The following SV2C variants were observed in gnomAD, a reference collection of about 807,000 sequenced individuals.
SV2C encodes the protein synaptic vesicle glycoprotein 2C.
In SV2C, 49 loss-of-function variants were observed where a neutral mutation model predicts 79.7. The ratio of observed to expected loss-of-function variants is 0.61; its 90% CI spans 0.49 to 0.78. SV2C has a LOEUF of 0.78. Among genes scored for constraint, SV2C ranks in the 30% least tolerant of loss-of-function variants. The probability of loss-of-function intolerance (pLI) is 0.00; values close to 1 mark genes in which losing one functional copy is unlikely to be tolerated. For missense variants in SV2C, 833 were observed against 912.9 expected (o/e 0.91, Z 1.13); for synonymous variants, 334 against 333.2 (o/e 1.00, Z -0.03).
At chr5:76,030,429 G>A in the SV2C span, among the ~76,000 whole-genome samples, 388 of 151,970 alleles carry the variant, frequency 2.6e-3, 5 homozygotes, top group Admixed American at 0.022. Flanking sequence ...ACTGGTCACA[G>A]AATATTCTAA....
chr5:75,891,338 A>C, the SV2C span, among the ~76,000 whole-genome samples: 3 of 152,006 alleles, frequency 2.0e-5, no homozygotes, highest in Non-Finnish European at 4.4e-5. Flanking sequence ...ACAGGGTAGA[A>C]CTCTCTTCAT....
At chr5:75,957,821 C>G in the SV2C span, among the ~76,000 whole-genome samples, 1 of 152,020 alleles carries the variant, frequency 6.6e-6, no homozygotes, top group Middle Eastern at 3.2e-3. Flanking sequence ...CAGCCATCTC[C>G]TCTTAAGTAA....
chr5:75,882,909 C>A, the SV2C span, among the ~76,000 whole-genome samples: 2 of 151,814 alleles, frequency 1.3e-5, no homozygotes, highest in African/African-American at 2.4e-5. Context: ...AGGCAACCTA[C>A]AAAATGGGAG....
rs377177919 is a variant in SV2C, at chr5:76,280,795, A to G, written c.914-4367A>G. Among the ~76,000 whole-genome samples, 12 of 152,326 alleles carry G rather than the reference A, an allele frequency of 7.9e-5. No homozygotes were observed. In the East Asian group the frequency reaches 1.7e-3, roughly 22 times the overall value. ...AGAGCAGGCTCATCCTGCCAAGCCT[A>G]GGTCTAAGCACAATCTCAGCTTTTG... is the stretch of plus-strand genomic sequence containing the variant. On this transcript the variant is annotated intron_variant, in intron 4 of 12. Coordinates refer to ENST00000502798, the MANE Select transcript of SV2C (RefSeq NM_014979.4).
the SV2C span, among the ~76,000 whole-genome samples, chr5:75,900,179 C>G: frequency 1.3e-5 from 2 of 152,076 alleles, no homozygotes; most frequent in African/African-American, 4.8e-5. Flanking sequence ...TTACAGTTTC[C>G]ATGATTTTGC....
chr5:76,163,430 C>T (rs182013316), intron 2 of SV2C, among the ~76,000 whole-genome samples: 110 of 152,330 alleles, frequency 7.2e-4, no homozygotes, highest in African/African-American at 2.3e-3. Flanking sequence ...TCAATATTTA[C>T]GCATTAAGCT....
intron 4 of SV2C, among the ~76,000 whole-genome samples, chr5:76,276,460 C>A (rs969545880): frequency 2.0e-5 from 3 of 152,226 alleles, no homozygotes; most frequent in Admixed American, 1.3e-4. Flanking sequence ...CTCAGCCTCC[C>A]AAGCAGCTGG....
the SV2C span, among the ~76,000 whole-genome samples, chr5:76,038,380 G>A: frequency 2.0e-5 from 3 of 152,308 alleles, no homozygotes; most frequent in African/African-American, 7.2e-5. Context: ...ATGGGTTTTG[G>A]AGCCAAGCAG....
At chr5:75,937,436 C>T in the SV2C span, among the ~76,000 whole-genome samples, 1 of 152,278 alleles carries the variant, frequency 6.6e-6, no homozygotes, top group African/African-American at 2.4e-5. Flanking sequence ...CACAGTGGCT[C>T]ATGCTTGGAA....
intron 4 of SV2C, among the ~76,000 whole-genome samples, chr5:76,251,976 A>G (rs1488983047): frequency 6.6e-6 from 1 of 152,222 alleles, no homozygotes; most frequent in African/African-American, 2.4e-5. Context: ...GACAAGCCCA[A>G]AGATTATTGT....
Position 76,220,261 on chromosome 5 carries a change from A to G in SV2C, c.913+10374A>G, listed in dbSNP as rs1501928. 1.1e-3 allele frequency among the ~76,000 whole-genome samples: 167 copies of G among 152,372 alleles called. 4 individuals are homozygous for G. The East Asian group carries it at 0.024, about 22-fold the overall frequency. On this transcript the variant is annotated intron_variant, in intron 4 of 12. Transcript: ENST00000502798. ...AGTGACAGGGCTAGTAGCTACCACA[A>G]TTTTGAAGTAGATACAAGTGTAGAA...
intron 12 of SV2C, among the ~76,000 whole-genome samples, chr5:76,304,291 C>T (rs773684954): frequency 6.6e-6 from 1 of 152,168 alleles, no homozygotes; most frequent in East Asian, 1.9e-4. Flanking sequence ...ATGGTAAATT[C>T]GCTAGTATGA....
chr5:76,194,105 A>AC lies in SV2C; in HGVS notation c.581-810dup, dbSNP rs1224850090. Among the ~76,000 whole-genome samples, 3 of 152,220 alleles carry AC rather than the reference A, an allele frequency of 2.0e-5. No homozygotes were observed. In the East Asian group the frequency reaches 5.8e-4, roughly 29 times the overall value. On this transcript the variant is annotated intron_variant, in intron 2 of 12. Transcript: ENST00000502798. ...TTTACTGTTGCCATCAAGGTGGCTT[A>AC]CCCCAGGGCTCAGGGGCTGGGTGGG...
intron 6 of SV2C, among the ~76,000 whole-genome samples, chr5:76,286,991 C>T (rs950236422): frequency 1.3e-5 from 2 of 152,062 alleles, no homozygotes; most frequent in African/African-American, 4.8e-5. Flanking sequence ...GGGACACGGC[C>T]AAACCATATC....
At chr5:76,303,250 C>A (rs1258542772) in intron 12 of SV2C, among the ~76,000 whole-genome samples, 1 of 152,196 alleles carries the variant, frequency 6.6e-6, no homozygotes, top group Admixed American at 6.5e-5. Context: ...AATGTTAATT[C>A]TCTGTCTTTG....
chr5:75,958,307 T>A, the SV2C span, among the ~76,000 whole-genome samples: 2 of 151,964 alleles, frequency 1.3e-5, no homozygotes, highest in East Asian at 3.9e-4. Context: ...GCCCAGATAT[T>A]TGGTTAAACA....
At chr5:76,139,848 T>A in intron 2 of SV2C, among the ~76,000 whole-genome samples, 2 of 71,948 alleles carry the variant, frequency 2.8e-5, no homozygotes, top group Non-Finnish European at 8.7e-5. Context: ...TTAGAAGCTC[T>A]TGAAAGTATT....
the SV2C span, among the ~76,000 whole-genome samples, chr5:75,871,401 C>T: frequency 1.3e-5 from 2 of 151,976 alleles, no homozygotes; most frequent in African/African-American, 2.4e-5. Flanking sequence ...AGTATAAATA[C>T]TGGAAAATAA....
intron 6 of SV2C, among the ~76,000 whole-genome samples, chr5:76,286,104 G>C (rs559363784): frequency 6.6e-6 from 1 of 152,310 alleles, no homozygotes; most frequent in East Asian, 1.9e-4. Flanking sequence ...TGGCCCATAG[G>C]TTGCCAACCT....
Sources: gnomAD v4.1 joint callset for allele counts (sites outside exome capture counted in the v4.1 genomes callset) on GRCh38, gnomAD v4.1.1 for gene constraint, MANE v1.5 for transcripts, NCBI Gene and HGNC (gene_info 2026-07-23, HGNC 2026-07-21) for gene names.